Variants in TMEM132B observed in about 807,000 individuals in gnomAD.
TMEM132B encodes the protein transmembrane protein 132B.
In TMEM132B, 18 loss-of-function variants were observed where a neutral mutation model predicts 90.8. That is an observed-to-expected ratio of 0.20 (90% CI 0.14 to 0.29). TMEM132B has a LOEUF of 0.29. Among genes scored for constraint, TMEM132B ranks in the 10% least tolerant of loss-of-function variants. TMEM132B has a pLI of 1.00. For synonymous variants in TMEM132B, 504 were observed against 523.3 expected, an observed-to-expected ratio of 0.96 and a Z score of 0.50; for missense variants, 1,096 against 1,326.8, an observed-to-expected ratio of 0.83 and a Z score of 2.70.
intron 2 of TMEM132B, among the ~76,000 whole-genome samples, chr12:125,352,883 G>T (rs1478211255): frequency 5.3e-5 from 8 of 152,210 alleles, no homozygotes; most frequent in African/African-American, 1.2e-4. Flanking sequence ...AAGAAGCCAA[G>T]ATTCTATTTG....
intron 5 of TMEM132B, among the ~76,000 whole-genome samples, chr12:125,629,955 A>T (rs1305703987): frequency 6.6e-6 from 1 of 152,140 alleles, no homozygotes; most frequent in Non-Finnish European, 1.5e-5. Context: ...TCATTTGCAT[A>T]TGTTGAACCA....
intron 4 of TMEM132B, among the ~76,000 whole-genome samples, chr12:125,541,133 A>G (rs930256873): frequency 6.6e-6 from 1 of 152,230 alleles, no homozygotes; most frequent in Middle Eastern, 3.2e-3. Context: ...CCTGGAGAGA[A>G]CGACCAACTC....
chr12:125,618,103 A>G (rs1886034329), intron 5 of TMEM132B, among the ~76,000 whole-genome samples: 1 of 152,122 alleles, frequency 6.6e-6, no homozygotes, highest in Non-Finnish European at 1.5e-5. Context: ...TAAAAATCTG[A>G]GACACCAGGT....
chr12:125,515,314 T>G lies in TMEM132B; in HGVS notation c.1107-4125T>G, dbSNP rs145062700. On this transcript the variant is annotated intron_variant, in intron 3 of 8. Coordinates refer to ENST00000682704, the MANE Select transcript of TMEM132B (RefSeq NM_001366854.1). ...CACACACTCATACACACTATTCACATGTTCTCTTACAGAAACAACACATTC... is the reference window on the plus strand; with the variant it reads ...CACACACTCATACACACTATTCACAGGTTCTCTTACAGAAACAACACATTC... Among the ~76,000 whole-genome samples, 435 of 151,594 alleles carry G rather than the reference T, an allele frequency of 2.9e-3. 2 individuals are homozygous for G. The highest frequency in any genetic ancestry group is 9.5e-3 in the African/African-American group (394 of 41,360).
In TMEM132B at chr12:125,451,136, T is replaced by A. The variant is rs555647400; in HGVS notation, c.1106+35459T>A. Among the ~76,000 whole-genome samples, 85 of 152,146 alleles carry A rather than the reference T, an allele frequency of 5.6e-4. 1 individual carries two copies. The highest frequency in any genetic ancestry group is 3.4e-3 in the Middle Eastern group (1 of 294). ...ATGAGATCCTGTCCTGGGGAAAAAA[T>A]TGCTATAAAGGACATTATTAGGTCA... On this transcript the variant is annotated intron_variant, in intron 3 of 8. Coordinates refer to ENST00000682704, the MANE Select transcript of TMEM132B (RefSeq NM_001366854.1).
chr12:125,566,037 G>A lies in TMEM132B; in HGVS notation c.1294-17814G>A, dbSNP rs148109172. 2.0e-4 allele frequency among the ~76,000 whole-genome samples: 30 copies of A among 152,312 alleles called. No homozygotes were observed. In the East Asian group the frequency reaches 5.6e-3, roughly 28 times the overall value. The stretch of plus-strand genomic sequence containing the variant: ...AGCAGGAGTGCTGTGAGGAAGGTTT[G>A]AAACCTATGGCTACTTAGGGAAATT... On this transcript the variant is annotated intron_variant, in intron 4 of 8. Transcript: ENST00000682704.
intron 5 of TMEM132B, chr12:125,622,336 C>A: frequency 3.5e-6 from 1 of 286,644 alleles, no homozygotes; most frequent in Non-Finnish European, 5.2e-6. Flanking sequence ...ATGTGATTAT[C>A]TTAATTTATT....
chr12:125,490,727 A>C lies in TMEM132B; in HGVS notation c.1107-28712A>C, dbSNP rs1882328611. 6.6e-6 allele frequency among the ~76,000 whole-genome samples: 1 copy of C among 152,102 alleles called. No homozygotes were observed. Among genetic ancestry groups the C allele is most frequent in the South Asian group, 2.1e-4 (1 of 4,818 alleles). The stretch of plus-strand genomic sequence containing the variant: ...GTGATCCGCCCGTCTTGGCCTCCCA[A>C]AGTGCTGGGATTACAGGTGTGAGCC... On this transcript the variant is annotated intron_variant, in intron 3 of 8. Transcript: ENST00000682704. The surrounding 1 kb of genome is among the most constrained non-coding windows in gnomAD (Gnocchi z 4.2).
chr12:125,250,834 G>A (rs1030400668), intron 1 of TMEM132B, among the ~76,000 whole-genome samples: 1 of 152,130 alleles, frequency 6.6e-6, no homozygotes, highest in Non-Finnish European at 1.5e-5. Context: ...CCCTGCCCAC[G>A]GTCTGCTGGG....
chr12:125,486,016 G>C (rs955973914), intron 3 of TMEM132B, among the ~76,000 whole-genome samples: 1 of 152,176 alleles, frequency 6.6e-6, no homozygotes, highest in Non-Finnish European at 1.5e-5. Flanking sequence ...CTCTCTCTCT[G>C]TATGTGTGTG....
At chr12:125,423,792 A>G (rs1880236496) in intron 3 of TMEM132B, among the ~76,000 whole-genome samples, 1 of 152,198 alleles carries the variant, frequency 6.6e-6, no homozygotes, top group African/African-American at 2.4e-5. Context: ...ATATACAGAA[A>G]TATGTTATTT....
At chr12:125,472,273 T>G (rs781347451) in intron 3 of TMEM132B, among the ~76,000 whole-genome samples, 2 of 152,130 alleles carry the variant, frequency 1.3e-5, no homozygotes, top group Non-Finnish European at 2.9e-5. Context: ...CATCTGAGGA[T>G]GTGTGGTTGG....
intron 4 of TMEM132B, among the ~76,000 whole-genome samples, chr12:125,522,613 C>A (rs1280028731): frequency 6.6e-6 from 1 of 152,208 alleles, no homozygotes; most frequent in African/African-American, 2.4e-5. Context: ...CTAGGGACAG[C>A]TGTTCACAAG....
At chr12:125,545,421 C>G (rs796839988) in intron 4 of TMEM132B, among the ~76,000 whole-genome samples, 1 of 152,196 alleles carries the variant, frequency 6.6e-6, no homozygotes, top group African/African-American at 2.4e-5. Context: ...ATTTCCCAAC[C>G]GGAACACACC....
chr12:125,427,541 G>A (rs1880355542), intron 3 of TMEM132B, among the ~76,000 whole-genome samples: 2 of 152,186 alleles, frequency 1.3e-5, no homozygotes, highest in Admixed American at 1.3e-4. Context: ...CAGTATCAGA[G>A]TAATCTAAAA....
intron 2 of TMEM132B, among the ~76,000 whole-genome samples, chr12:125,375,496 G>A (rs929716473): frequency 1.3e-5 from 2 of 152,218 alleles, no homozygotes; most frequent in Admixed American, 6.5e-5. Context: ...ACCCATCTTT[G>A]CTTTTCATCT....
At chr12:125,373,523 C>T (rs1316161848) in intron 2 of TMEM132B, among the ~76,000 whole-genome samples, 9 of 152,228 alleles carry the variant, frequency 5.9e-5, no homozygotes. Context: ...TCTTGGACTT[C>T]TGGCCTCCAG....
intron 1 of TMEM132B, among the ~76,000 whole-genome samples, chr12:125,247,048 G>A (rs1401475154): frequency 6.6e-6 from 1 of 152,124 alleles, no homozygotes; most frequent in Non-Finnish European, 1.5e-5. Flanking sequence ...CCCTATGCAG[G>A]AATATTTCTT....
chr12:125,609,959 T>C (rs1428576752), intron 5 of TMEM132B, among the ~76,000 whole-genome samples: 1 of 142,632 alleles, frequency 7.0e-6, no homozygotes, highest in East Asian at 2.0e-4. Flanking sequence ...ACCTCTTTCT[T>C]AGTTCATTCC....
Sources: allele counts gnomAD v4.1 joint callset (sites outside exome capture counted in the v4.1 genomes callset), GRCh38; gene constraint gnomAD v4.1.1; non-coding constraint Gnocchi (gnomAD v3.1); transcripts MANE v1.5; gene names NCBI Gene and HGNC (gene_info 2026-07-23, HGNC 2026-07-21).